HTT: variants seen among roughly 807,000 people sequenced by gnomAD.
The protein encoded by HTT is huntington disease protein.
HTT carries 104 observed loss-of-function variants against 362.3 expected under a neutral mutation model. The ratio of observed to expected loss-of-function variants is 0.29; its 90% CI spans 0.24 to 0.34. The LOEUF is 0.34. Among genes scored for constraint, HTT ranks in the 10% least tolerant of loss-of-function variants. HTT has a pLI of 1.00. For synonymous variants in HTT, 1,577 were observed against 1,548.7 expected (o/e 1.02, Z -0.43); for missense variants, 3,301 against 3,928.6 (o/e 0.84, Z 4.27).
chr4:3,087,892 C>G (rs890774121), intron 2 of HTT, among the ~76,000 whole-genome samples: 3 of 151,922 alleles, frequency 2.0e-5, no homozygotes, highest in African/African-American at 7.3e-5. Flanking sequence ...CTCTTGTTGC[C>G]CAGGCTGGAG....
intron 37 of HTT, among the ~76,000 whole-genome samples, chr4:3,184,704 T>C (rs907018152): frequency 5.3e-4 from 80 of 151,908 alleles, no homozygotes; most frequent in Admixed American, 4.5e-3. Context: ...TGAGACCCCA[T>C]AGGTGCCTAA....
At position 3,214,118 on chromosome 4, in the gene HTT, A is replaced by C. The variant is rs773344648; in HGVS notation, c.6935A>C (p.His2312Pro). The change falls in exon 50 of 67, where the codon CAC becomes CCC. Residue 2312 changes from histidine (H) to proline (P), a missense_variant. Transcript: ENST00000355072. ...THACSLIYCV[H>P]FILEAVAVQP... ...GCCTGCTCCCTCATCTACTGTGTGC[A>C]CTTCATCCTGGAGGCCGGTGAGTCC... 6.5e-7 allele frequency: 1 copy of C among 1,527,692 alleles called. No homozygotes were observed. Among genetic ancestry groups the C allele is most frequent in the South Asian group, 1.2e-5 (1 of 80,966 alleles). 94.6% of individuals were successfully genotyped at this position (1,527,692 alleles called of 1,614,324 possible). A position where few individuals can be genotyped will look rare whatever the true frequency, so the allele number is the denominator to read the frequency against.
intron 23 of HTT, 22 bp downstream of exon 23, chr4:3,142,908 T>G: frequency 6.2e-7 from 1 of 1,606,802 alleles, no homozygotes. Flanking sequence ...TCTTGATCGG[T>G]CTTACTGACA....
In HTT at chr4:3,240,305, T is replaced by C; in HGVS notation, c.*246T>C. ...AGGCCTTCCAGAAAGCAGGAGCAGCTGTGCTGCACCCCATGTGGGTGACCA... is the reference window on the plus strand; with the variant it reads ...AGGCCTTCCAGAAAGCAGGAGCAGCCGTGCTGCACCCCATGTGGGTGACCA... On this transcript the variant is annotated 3_prime_UTR_variant, in exon 67 of 67. Transcript: ENST00000355072. The C allele has an allele frequency of 1.8e-6, 1 of 568,192 alleles. No individual in the cohort carries two copies. Among genetic ancestry groups the C allele is most frequent in the South Asian group, 2.0e-5 (1 of 48,926 alleles). 35.2% of individuals were successfully genotyped at this position (568,192 alleles called of 1,614,324 possible).
intron 60 of HTT, among the ~76,000 whole-genome samples, chr4:3,230,730 G>A (rs955815828): frequency 6.6e-6 from 1 of 152,114 alleles, no homozygotes; most frequent in Non-Finnish European, 1.5e-5. Context: ...CTTCTGGCTG[G>A]GTCCTCACGG....
At chr4:3,156,831 A>C (rs919487066) in intron 27 of HTT, among the ~76,000 whole-genome samples, 1 of 152,240 alleles carries the variant, frequency 6.6e-6, no homozygotes, top group African/African-American at 2.4e-5. Flanking sequence ...GCAAACAAGC[A>C]ATCATAACAA....
rs1292851534 is a variant in HTT, at chr4:3,174,706, A to G, written c.4167-15A>G. 6.3e-7 allele frequency: 1 copy of G among 1,599,998 alleles called. No individual in the cohort carries two copies. Among genetic ancestry groups the G allele is most frequent in the East Asian group, 2.2e-5 (1 of 44,806 alleles). On this transcript the variant is annotated splice_polypyrimidine_tract_variant and intron_variant, in intron 31 of 66. Transcript: ENST00000355072. ...TATTCTCATTCTCTGCTTCCCTTTT[A>G]TTCCCATTTGGCAGATGGTTTGATG...
chr4:3,150,908 G>T (rs572323816), intron 26 of HTT, among the ~76,000 whole-genome samples: 1 of 152,130 alleles, frequency 6.6e-6, no homozygotes, highest in African/African-American at 2.4e-5. Context: ...GTGTGGTGGC[G>T]GGCGCCCATA....
At chr4:3,174,227 C>T (rs1461951953) in intron 31 of HTT, among the ~76,000 whole-genome samples, 1 of 152,072 alleles carries the variant, frequency 6.6e-6, no homozygotes, top group Non-Finnish European at 1.5e-5. Context: ...AGGAGTAAGT[C>T]TGTTTCAATG....
rs1716059061 is a variant in HTT, at chr4:3,136,231, A to G, written c.2703A>G (p.Leu901=). The G allele has an allele frequency of 6.2e-7, 1 of 1,603,154 alleles. No individual in the cohort carries two copies. The highest frequency in any genetic ancestry group is 1.7e-5 in the Admixed American group (1 of 59,808). The change falls in exon 21 of 67, where the codon TTA becomes TTG. Residue 901 remains leucine (L), a synonymous_variant. Transcript: ENST00000355072. ...HRGAHHYTGL[L]KLQERVLNNV... is the part of the protein sequence containing the mutation. ...TATTATCCTTCTCTCTAAAGCTTTT[A>G]AAACTGCAAGAACGAGTGCTCAATA... is the stretch of plus-strand genomic sequence containing the variant.
intron 11 of HTT, among the ~76,000 whole-genome samples, chr4:3,126,396 A>G (rs1323680516): frequency 6.6e-6 from 1 of 152,128 alleles, no homozygotes; most frequent in East Asian, 1.9e-4. Flanking sequence ...TGTACTTTAT[A>G]AAAGATGAGG....
intron 51 of HTT, among the ~76,000 whole-genome samples, chr4:3,215,441 C>T (rs1205663794): frequency 3.3e-5 from 5 of 152,118 alleles, no homozygotes; most frequent in Non-Finnish European, 7.4e-5. Flanking sequence ...TCTGACCCTA[C>T]AGACCAGCTG....
intron 66 of HTT, 27 bp from the exon 67 acceptor site, chr4:3,239,819 G>A (rs765451583): frequency 2.7e-5 from 41 of 1,531,208 alleles, no homozygotes; most frequent in South Asian, 2.0e-4. Flanking sequence ...CTCATTTGCC[G>A]GCCTTTTTCC....
intron 10 of HTT, among the ~76,000 whole-genome samples, chr4:3,123,683 TTG>T (rs1715398192): frequency 1.3e-5 from 2 of 152,138 alleles, no homozygotes. Flanking sequence ...GAATGAGACC[TTG>T]TGTCTTAAAA....
intron 1 of HTT, among the ~76,000 whole-genome samples, chr4:3,080,097 CTTT>C (rs1159368441): frequency 6.9e-6 from 1 of 144,640 alleles, no homozygotes. Context: ...CAGGCTCTTT[CTTT>C]TTTTTTTTTT....
At chr4:3,222,338 C>A in intron 53 of HTT, 49 bp from the exon 54 acceptor site, 1 of 1,525,526 alleles carries the variant, frequency 6.6e-7, no homozygotes, top group Non-Finnish European at 9.1e-7. Context: ...CTCTCCGTTA[C>A]AGGCTTGAGA....
At chr4:3,187,310 T>G (rs112726921) in intron 38 of HTT, among the ~76,000 whole-genome samples, 1 of 151,574 alleles carries the variant, frequency 6.6e-6, no homozygotes, top group Admixed American at 6.6e-5. Flanking sequence ...TGCGTGCCAC[T>G]GTGCCCGGCT....
intron 26 of HTT, among the ~76,000 whole-genome samples, chr4:3,148,625 G>A (rs918303667): frequency 2.0e-5 from 3 of 152,132 alleles, no homozygotes; most frequent in African/African-American, 4.8e-5. Flanking sequence ...GTGAAACCCC[G>A]TCTCTACTAA....
At chr4:3,188,031 TC>T in intron 39 of HTT, 145 bp downstream of exon 39, 1 of 611,528 alleles carries the variant, frequency 1.6e-6, no homozygotes, top group East Asian at 2.8e-5. Flanking sequence ...AATTTTCTAA[TC>T]CGTCCTGCAT....
Sources: allele counts gnomAD v4.1 joint callset (sites outside exome capture counted in the v4.1 genomes callset), GRCh38; gene constraint gnomAD v4.1.1; transcripts MANE v1.5; gene names NCBI Gene and HGNC (gene_info 2026-07-23, HGNC 2026-07-21).